Variants in AKT1S1 observed in about 807,000 individuals in gnomAD.
AKT1S1 encodes the protein proline-rich AKT1 substrate 1.
In AKT1S1, 17 loss-of-function variants were observed where a neutral mutation model predicts 21.2. That is an observed-to-expected ratio of 0.80 (90% CI 0.55 to 1.20). The LOEUF (loss-of-function observed/expected upper bound fraction) is 1.20. AKT1S1 is among the 50% of genes most tolerant of loss of function. AKT1S1 has a pLI of 0.00. For synonymous variants in AKT1S1, 181 were observed against 165.6 expected, an observed-to-expected ratio of 1.09 and a Z score of -0.72; for missense variants, 366 against 368.3, an observed-to-expected ratio of 0.99 and a Z score of 0.05.
intron 1 of AKT1S1, chr19:49,876,334 C>G: frequency 6.6e-6 from 8 of 1,213,470 alleles, no homozygotes; most frequent in Non-Finnish European, 8.2e-6. Flanking sequence ...ATCCCCCGAC[C>G]CCGTGGACGT....
chr19:49,869,511 T>C lies in AKT1S1; in HGVS notation c.*406A>G, dbSNP rs2074856758. The C allele has an allele frequency of 6.2e-6, 1 of 160,424 alleles. No homozygotes were observed. Among genetic ancestry groups the C allele is most frequent in the Non-Finnish European group, 1.4e-5 (1 of 73,254 alleles). 9.9% of individuals were successfully genotyped at this position (160,424 alleles called of 1,614,324 possible). A position where few individuals can be genotyped will look rare whatever the true frequency, so the allele number is the denominator to read the frequency against. ...CGGACGGTGACTATGTAGAGACTGG[T>C]CAAGCCCTTTACAGGATTTGAGCCA... On this transcript the variant is annotated 3_prime_UTR_variant, in exon 5 of 5. Coordinates refer to ENST00000344175, the MANE Select transcript of AKT1S1 (RefSeq NM_001098633.4).
chr19:49,878,080 A>G (rs1308711072), upstream of AKT1S1: 6 of 1,373,194 alleles, frequency 4.4e-6, no homozygotes, highest in Non-Finnish European at 6.0e-6. Flanking sequence ...GCCCGTCCCT[A>G]TTGGCTCCCC....
chr19:49,874,681 C>G (rs564791440), intron 1 of AKT1S1: 10 of 152,402 alleles, frequency 6.6e-5, no homozygotes, highest in African/African-American at 9.6e-5. Flanking sequence ...TGCTGTGTGA[C>G]CTTAGATGGC....
upstream of AKT1S1, chr19:49,877,569 A>T (rs1353650848): frequency 1.4e-6 from 1 of 707,626 alleles, no homozygotes; most frequent in African/African-American, 1.8e-5. Context: ...CAGTGGAATA[A>T]CCCCCTTCTG....
At chr19:49,871,961 C>T in intron 2 of AKT1S1, 72 bp from the exon 3 acceptor site, 1 of 1,491,730 alleles carries the variant, frequency 6.7e-7, no homozygotes. Context: ...TCCTCCTCAG[C>T]CACGGCCACT....
chr19:49,873,704 C>T lies in AKT1S1; in HGVS notation c.-7-402G>A, dbSNP rs1401120736. On this transcript the variant is annotated intron_variant, in intron 1 of 4. Transcript: ENST00000344175. This position sits in a 1 kb window ranked among gnomAD's most constrained non-coding sequence, Gnocchi z 6.9. Reference sequence around the variant, plus strand: ...TTCTGAAGACTGAGTACAATAAAGCCGAACGAGCCGGGCGTGGTGGCTCAG... The same window carrying T: ...TTCTGAAGACTGAGTACAATAAAGCTGAACGAGCCGGGCGTGGTGGCTCAG... 1.7e-5 allele frequency: 3 copies of T among 174,610 alleles called. No homozygotes were observed. Among genetic ancestry groups the T allele is most frequent in the East Asian group, 3.0e-4 (2 of 6,738 alleles). The allele number at this position is 174,610 out of a possible 1,614,324, so 10.8% of individuals were successfully genotyped here. A position where few individuals can be genotyped will look rare whatever the true frequency, so the allele number is the denominator to read the frequency against.
chr19:49,872,031 A>C, intron 2 of AKT1S1, 142 bp from the exon 3 acceptor site: 1 of 919,862 alleles, frequency 1.1e-6, no homozygotes, highest in African/African-American at 1.7e-5. Flanking sequence ...TCACCTCAAA[A>C]ACAACTTCCT....
chr19:49,876,589 C>T, intron 1 of AKT1S1: 1 of 1,509,496 alleles, frequency 6.6e-7, no homozygotes, highest in Non-Finnish European at 8.9e-7. Context: ...GTTAACAACG[C>T]CGCCTCCACT....
rs1387516773 is a variant in AKT1S1, at chr19:49,872,906, C to A, written c.379+11G>T. The A allele has an allele frequency of 1.9e-6, 3 of 1,594,974 alleles. No homozygotes were observed. The highest frequency in any genetic ancestry group is 1.7e-5 in the Admixed American group (1 of 59,578). The stretch of plus-strand genomic sequence containing the variant: ...GCTGGGCCGCACCCGCCCCTGCCCC[C>A]ACCCTCTCACCTCCATTATCACTAA... On this transcript the variant is annotated intron_variant, in intron 2 of 4. Transcript: ENST00000344175.
Position 49,875,939 on chromosome 19 carries a change from C to T in AKT1S1, c.-8+1298G>A, listed in dbSNP as rs2074936140. On this transcript the variant is annotated intron_variant, in intron 1 of 4. Transcript: ENST00000344175. ...TGAGAGATGGAGGAAGAACCCGCCC[C>T]GATAGACGAGTTTCGTGTAAGATCA... The T allele has an allele frequency of 4.1e-6, 4 of 985,230 alleles. No individual in the cohort carries two copies. In the South Asian group the frequency reaches 1.4e-4, roughly 35 times the overall value. The allele number at this position is 985,230 out of a possible 1,614,324, so 61.0% of individuals were successfully genotyped here.
At chr19:49,878,173 C>T, upstream of AKT1S1, 14 of 1,577,280 alleles carry the variant, frequency 8.9e-6, no homozygotes, top group South Asian at 1.2e-5. Flanking sequence ...AGTGTACCTG[C>T]ACACCAGCGC....
At chr19:49,871,984 ACCTCCACCTC>A in intron 2 of AKT1S1, 95 bp from the exon 3 acceptor site, 1 of 1,274,944 alleles carries the variant, frequency 7.8e-7, no homozygotes, top group Non-Finnish European at 1.1e-6. Flanking sequence ...CACAGCCACC[ACCTCCACCTC>A]CCTGAAGCTT....
At chr19:49,874,872 G>C (rs1461531246) in intron 1 of AKT1S1, 1 of 152,300 alleles carries the variant, frequency 6.6e-6, no homozygotes, top group Admixed American at 6.5e-5. Flanking sequence ...GAGTCTGAAT[G>C]AAATTTGCAG....
chr19:49,876,737 T>C (rs2074951735), intron 1 of AKT1S1: 2 of 1,388,200 alleles, frequency 1.4e-6, no homozygotes, highest in Non-Finnish European at 9.4e-7. Flanking sequence ...CCGCCCGAGA[T>C]CAAGATGGCG....
At chr19:49,877,644 G>A (rs1295256033), upstream of AKT1S1, 6 of 1,512,176 alleles carry the variant, frequency 4.0e-6, no homozygotes, top group African/African-American at 1.4e-5. Flanking sequence ...CGGCCCGGAG[G>A]GGAACTGTTT....
intron 1 of AKT1S1, chr19:49,876,030 T>C: frequency 1.0e-6 from 1 of 985,312 alleles, no homozygotes; most frequent in African/African-American, 1.7e-5. Context: ...GGCTGTCCTC[T>C]TTGGATGCAG....
chr19:49,877,736 G>A (rs777534657), upstream of AKT1S1: 3 of 1,597,890 alleles, frequency 1.9e-6, no homozygotes, highest in African/African-American at 2.7e-5. Flanking sequence ...GGAAGGAGCC[G>A]GCTACAGGGT....
rs762590238 is a variant in AKT1S1, at chr19:49,872,936, C to G, written c.360G>C (p.Leu120=). The G allele has an allele frequency of 6.2e-7, 1 of 1,602,276 alleles. No homozygotes were observed. Among genetic ancestry groups the G allele is most frequent in the Non-Finnish European group, 8.5e-7 (1 of 1,178,694 alleles). ...PTETETSGEQ[L]GISDNGGLFV... ...TCTCACCTCCATTATCACTAATGCCCAGCTGCTCCCCGGAGGTCTCTGTCT... is the reference window on the plus strand; with the variant it reads ...TCTCACCTCCATTATCACTAATGCCGAGCTGCTCCCCGGAGGTCTCTGTCT... Residue 120 remains leucine (L), a synonymous_variant, in exon 2 of 5, where the codon CTG becomes CTC. Coordinates refer to ENST00000344175, the MANE Select transcript of AKT1S1 (RefSeq NM_001098633.4).
chr19:49,877,404 G>A (rs1436552052), upstream of AKT1S1: 7 of 415,122 alleles, frequency 1.7e-5, no homozygotes, highest in East Asian at 8.3e-5. Flanking sequence ...GGAAGTGGGC[G>A]TTTCAAGGCG....
Sources: allele counts gnomAD v4.1 joint callset, GRCh38; gene constraint gnomAD v4.1.1; non-coding constraint Gnocchi (gnomAD v3.1); transcripts MANE v1.5; gene names NCBI Gene and HGNC (gene_info 2026-07-23, HGNC 2026-07-21).